Variants in SUGCT observed in about 807,000 individuals in gnomAD.
SUGCT encodes the protein succinyl-CoA:glutarate CoA-transferase.
Under a neutral mutation model 55.0 loss-of-function variants are expected in SUGCT, and 41 were observed. That is an observed-to-expected ratio of 0.74 (90% CI 0.58 to 0.97). The LOEUF (loss-of-function observed/expected upper bound fraction) is 0.97, where lower values mean the gene tolerates loss of function less well. Among genes scored for constraint, SUGCT ranks in the 50% least tolerant of loss-of-function variants. SUGCT has a pLI of 0.00. For missense variants in SUGCT, 568 were observed against 547.8 expected, an observed-to-expected ratio of 1.04 and a Z score of -0.37; for synonymous variants, 187 against 200.4, an observed-to-expected ratio of 0.93 and a Z score of 0.56.
chr7:40,416,747 A>G (rs1305724093), intron 9 of SUGCT, among the ~76,000 whole-genome samples: 3 of 151,924 alleles, frequency 2.0e-5, no homozygotes, highest in Non-Finnish European at 4.4e-5. Context: ...TTTGAGCTTT[A>G]TTACATCTGG....
At chr7:40,893,370 G>A in the SUGCT span, among the ~76,000 whole-genome samples, 1 of 152,090 alleles carries the variant, frequency 6.6e-6, no homozygotes, top group Admixed American at 6.5e-5. Context: ...CATCTATCAG[G>A]AGCAGAATAC....
At chr7:40,434,535 C>G (rs1021672364) in intron 9 of SUGCT, among the ~76,000 whole-genome samples, 2 of 152,130 alleles carry the variant, frequency 1.3e-5, no homozygotes, top group Admixed American at 6.5e-5. Context: ...TGTCTGTGAT[C>G]TTTTACCTTC....
chr7:40,903,125 G>A, the SUGCT span, among the ~76,000 whole-genome samples: 3 of 151,110 alleles, frequency 2.0e-5, no homozygotes, highest in South Asian at 2.1e-4. Flanking sequence ...TCCGCCTCCC[G>A]GGTTCAAGTG....
At chr7:40,745,801 T>G (rs550038748) in intron 12 of SUGCT, among the ~76,000 whole-genome samples, 1 of 152,310 alleles carries the variant, frequency 6.6e-6, no homozygotes, top group South Asian at 2.1e-4. Flanking sequence ...TATATTGAAA[T>G]AACTCAATAT....
chr7:40,866,551 A>G, the SUGCT span, among the ~76,000 whole-genome samples: 1 of 151,092 alleles, frequency 6.6e-6, no homozygotes, highest in Non-Finnish European at 1.5e-5. Context: ...CACAGGCCAC[A>G]GGGAAGGACA....
At chr7:40,191,393 A>G (rs1274364117) in intron 5 of SUGCT, among the ~76,000 whole-genome samples, 1 of 152,322 alleles carries the variant, frequency 6.6e-6, no homozygotes. Context: ...TGTCTCAGTT[A>G]TTGAAAGATA....
intron 1 of SUGCT, among the ~76,000 whole-genome samples, chr7:40,170,728 G>A (rs544949970): frequency 2.6e-5 from 4 of 151,574 alleles, no homozygotes; most frequent in Admixed American, 1.3e-4. Flanking sequence ...CTGGAGTCTA[G>A]TGGTCCTTTA....
chr7:40,913,024 T>TA, the SUGCT span, among the ~76,000 whole-genome samples: 3 of 149,748 alleles, frequency 2.0e-5, no homozygotes, highest in African/African-American at 7.4e-5. Flanking sequence ...TTTTTTTTTT[T>TA]TTTTTGAGAT....
intron 12 of SUGCT, among the ~76,000 whole-genome samples, chr7:40,557,184 C>T (rs1795598271): frequency 6.6e-6 from 1 of 152,104 alleles, no homozygotes; most frequent in African/African-American, 2.4e-5. Flanking sequence ...GAAATAAACC[C>T]ACCACACATG....
At chr7:40,969,812 G>T in the SUGCT span, among the ~76,000 whole-genome samples, 2 of 152,152 alleles carry the variant, frequency 1.3e-5, no homozygotes, top group African/African-American at 4.8e-5. Context: ...GTCCTTGAAT[G>T]TTTTCTGAAT....
At chr7:40,150,620 C>T (rs9692066) in intron 1 of SUGCT, among the ~76,000 whole-genome samples, 5,680 of 151,906 alleles carry the variant, frequency 0.037, 344 homozygotes, top group African/African-American at 0.13. Flanking sequence ...TGCATTGAGT[C>T]GAGATCAGCC....
intron 12 of SUGCT, among the ~76,000 whole-genome samples, chr7:40,703,471 T>A (rs1365670909): frequency 6.6e-6 from 1 of 152,150 alleles, no homozygotes; most frequent in African/African-American, 2.4e-5. Context: ...TCTCTATATA[T>A]ACATACTCAA....
At chr7:40,838,051 C>T (rs1793082127) in intron 13 of SUGCT, among the ~76,000 whole-genome samples, 1 of 152,184 alleles carries the variant, frequency 6.6e-6, no homozygotes, top group Non-Finnish European at 1.5e-5. Flanking sequence ...TGCTAAACAT[C>T]AACTGGATAT....
At chr7:40,706,232 C>T (rs568015025) in intron 12 of SUGCT, among the ~76,000 whole-genome samples, 8 of 152,220 alleles carry the variant, frequency 5.3e-5, no homozygotes, top group Admixed American at 3.3e-4. Context: ...AGTGGCTGGG[C>T]GCAGTGGCTC....
chr7:40,443,921 A>G (rs1421531434), intron 9 of SUGCT, among the ~76,000 whole-genome samples: 1 of 152,218 alleles, frequency 6.6e-6, no homozygotes, highest in Non-Finnish European at 1.5e-5. Context: ...GAAGGGACCC[A>G]GTTTCAGCTT....
rs1791844840 is a variant in SUGCT at position 40,494,097 on chromosome 7, C to G, written c.987-2187C>G. 1.3e-5 allele frequency among the ~76,000 whole-genome samples: 2 copies of G among 152,198 alleles called. 1 individual carries two copies. The highest frequency in any genetic ancestry group is 4.1e-4 in the South Asian group (2 of 4,830). ...CAGTGGTGAAAAGCTTATATAAATACTAAAACTTCAACTATTCCCCTGAGT... is the reference window on the plus strand; with the variant it reads ...CAGTGGTGAAAAGCTTATATAAATAGTAAAACTTCAACTATTCCCCTGAGT... On this transcript the variant is annotated intron_variant, in intron 11 of 13. Transcript: ENST00000335693.
chr7:41,031,995 A>G, the SUGCT span, among the ~76,000 whole-genome samples: 1 of 53,896 alleles, frequency 1.9e-5, no homozygotes, highest in African/African-American at 5.4e-5. Context: ...TAGGGTCTCA[A>G]TGAATGAATG....
chr7:41,014,722 A>T, the SUGCT span, among the ~76,000 whole-genome samples: 1 of 152,232 alleles, frequency 6.6e-6, no homozygotes, highest in East Asian at 1.9e-4. Flanking sequence ...ACTTGGGAGC[A>T]CAATGAAGCA....
chr7:40,688,128 T>C (rs1315112616), intron 12 of SUGCT, among the ~76,000 whole-genome samples: 2 of 152,214 alleles, frequency 1.3e-5, no homozygotes, highest in African/African-American at 4.8e-5. Context: ...TGGTCAGTAA[T>C]TATTAGTCCT....
Sources: allele counts gnomAD v4.1 joint callset (sites outside exome capture counted in the v4.1 genomes callset), GRCh38; gene constraint gnomAD v4.1.1; transcripts MANE v1.5; gene names NCBI Gene and HGNC (gene_info 2026-07-23, HGNC 2026-07-21).